USP42: variants seen among roughly 807,000 people sequenced by gnomAD.
USP42 encodes the protein ubiquitin carboxyl-terminal hydrolase 42.
In USP42, 23 loss-of-function variants were observed where a neutral mutation model predicts 113.0. The ratio of observed to expected loss-of-function variants is 0.20; its 90% confidence interval spans 0.15 to 0.29. USP42 has a LOEUF of 0.29. Among genes scored for constraint, USP42 ranks in the 10% least tolerant of loss-of-function variants. USP42 has a pLI of 1.00. For missense variants in USP42, 2,174 were observed against 1,779.8 expected, an observed-to-expected ratio of 1.22 and a Z score of -3.99; for synonymous variants, 933 against 699.0, an observed-to-expected ratio of 1.33 and a Z score of -5.28.
Position 6,154,300 on chromosome 7 carries a change from G to A in USP42, c.2746G>A (p.Ala916Thr), listed in dbSNP as rs758926957. Residue 916 changes from alanine to threonine, a missense_variant, in exon 15 of 18, where the codon GCT (alanine) becomes ACT (threonine). Coordinates refer to ENST00000306177, the MANE Select transcript of USP42 (RefSeq NM_032172.3). ...CCCGGCCGGTCACCCGGAAGGGGAC[G>A]CTGAGCCTAGCCCCGGCGAGAGGGT... ...MAPAGHPEGD[A>T]EPSPGERVED... The A allele has an allele frequency of 5.0e-6, 8 of 1,584,926 alleles. No homozygotes were observed. Among genetic ancestry groups the A allele is most frequent in the Admixed American group, 1.8e-5 (1 of 55,598 alleles).
intron 2 of USP42, among the ~76,000 whole-genome samples, chr7:6,114,324 T>A (rs1335359624): frequency 1.3e-5 from 2 of 152,088 alleles, no homozygotes; most frequent in Non-Finnish European, 1.5e-5. Flanking sequence ...TTTTTTCTAT[T>A]GATTGTATTA....
intron 12 of USP42, among the ~76,000 whole-genome samples, chr7:6,148,242 C>G (rs560578067): frequency 4.4e-4 from 67 of 152,216 alleles, no homozygotes; most frequent in African/African-American, 1.6e-3. Context: ...GAGGCTGAGG[C>G]AGGAGGATCA....
At chr7:6,081,492 C>T in the USP42 span, among the ~76,000 whole-genome samples, 2 of 152,194 alleles carry the variant, frequency 1.3e-5, no homozygotes, top group Admixed American at 6.5e-5. Context: ...CAGCCATTGC[C>T]GTCCACCCCG....
rs754656813 is a variant in USP42 at position 6,150,531 on chromosome 7, A to AC, written c.2201+26dup. On this transcript the variant is annotated intron_variant, in intron 14 of 17. Coordinates refer to ENST00000306177, the MANE Select transcript of USP42 (RefSeq NM_032172.3). ...GGTAACGTAAGAGTACATCTGAGGC[A>AC]CGTGTGGCAGCATAGTAGGAAATCC... 1.7e-5 allele frequency: 27 copies of AC among 1,602,834 alleles called. No homozygotes were observed. The East Asian group carries it at 6.0e-4, about 36-fold the overall frequency.
intron 2 of USP42, among the ~76,000 whole-genome samples, chr7:6,112,304 C>A (rs994056402): frequency 6.6e-6 from 1 of 152,014 alleles, no homozygotes; most frequent in African/African-American, 2.4e-5. Context: ...CAAAAATTAG[C>A]TGGGCATGGT....
At chr7:6,082,601 C>CTTTTTT in the USP42 span, among the ~76,000 whole-genome samples, 1 of 96,996 alleles carries the variant, frequency 1.0e-5, no homozygotes, top group African/African-American at 3.7e-5. Flanking sequence ...TTCTTTCTTT[C>CTTTTTT]TGTTTTTTTT....
intron 3 of USP42, among the ~76,000 whole-genome samples, chr7:6,121,257 A>G (rs1020940581): frequency 6.6e-6 from 1 of 152,156 alleles, no homozygotes; most frequent in South Asian, 2.1e-4. Context: ...GTCTTTTACC[A>G]TTAAGTATGG....
rs377512021 is a variant in USP42, at chr7:6,145,569, C to T, written c.1044C>T (p.Asn348=). The T allele has an allele frequency of 3.6e-4, 586 of 1,613,996 alleles. 1 individual carries two copies. Among genetic ancestry groups the T allele is most frequent in the South Asian group, 3.3e-3 (301 of 91,084 alleles). ...LDIRPYMSQP[N]GEPIVYVLYA... ...TTCGGCCATATATGTCTCAACCCAA[C>T]GGAGAGCCAATTGTCTACGTCTTGT... is the stretch of plus-strand genomic sequence containing the variant. The change falls in exon 10 of 18, where the codon AAC becomes AAT. Residue 348 remains asparagine (N), a synonymous_variant. Coordinates refer to ENST00000306177, the MANE Select transcript of USP42 (RefSeq NM_032172.3).
At chr7:6,118,096 G>A (rs1423206903) in intron 3 of USP42, among the ~76,000 whole-genome samples, 1 of 151,870 alleles carries the variant, frequency 6.6e-6, no homozygotes, top group African/African-American at 2.4e-5. Flanking sequence ...TGTGCTGTAG[G>A]TGTTTTAAGA....
At chr7:6,091,993 CT>C in the USP42 span, among the ~76,000 whole-genome samples, 20 of 65,322 alleles carry the variant, frequency 3.1e-4, 1 homozygote, top group African/African-American at 1.0e-3. Flanking sequence ...TCTTCTTCTT[CT>C]TCTTCTTCTT....
intron 3 of USP42, among the ~76,000 whole-genome samples, chr7:6,120,782 C>A (rs201634514): frequency 1.3e-5 from 2 of 152,020 alleles, no homozygotes; most frequent in African/African-American, 2.4e-5. Context: ...TGGGGTTTCA[C>A]CCTGTTGGCC....
chr7:6,105,178 A>C (rs1779193927), intron 1 of USP42, 146 bp downstream of exon 1: 1 of 142,674 alleles, frequency 7.0e-6, no homozygotes, highest in East Asian at 2.1e-4. Flanking sequence ...GCCTCCCCCT[A>C]CACAGCCGCG....
the USP42 span, among the ~76,000 whole-genome samples, chr7:6,098,241 A>G: frequency 6.7e-6 from 1 of 150,262 alleles, no homozygotes; most frequent in African/African-American, 2.5e-5. Flanking sequence ...CAGTCCCATG[A>G]TGTATCAGAA....
At chr7:6,152,888 G>A (rs1782155175) in intron 14 of USP42, 1 of 982,876 alleles carries the variant, frequency 1.0e-6, no homozygotes, top group South Asian at 4.7e-5. Flanking sequence ...GAGGGTCCAA[G>A]AGAAATCAGA....
intron 12 of USP42, among the ~76,000 whole-genome samples, chr7:6,149,208 G>A (rs1583669597): frequency 6.6e-6 from 1 of 152,132 alleles, no homozygotes; most frequent in African/African-American, 2.4e-5. Context: ...CCGAGGCGAG[G>A]GTGATTCCTC....
chr7:6,145,498 G>A lies in USP42; in HGVS notation c.991-18G>A, dbSNP rs1562841297. 3.7e-6 allele frequency: 6 copies of A among 1,613,794 alleles called. No homozygotes were observed. The highest frequency in any genetic ancestry group is 1.1e-5 in the South Asian group (1 of 91,080). On this transcript the variant is annotated intron_variant, in intron 9 of 17. Transcript: ENST00000306177. ...CTGTGCCCTCGGAAATGTTTCTCCT[G>A]TTTCCATTTCCTTCTAGGATGTGAA...
chr7:6,118,407 A>G (rs1003241275), intron 3 of USP42, among the ~76,000 whole-genome samples: 12 of 152,134 alleles, frequency 7.9e-5, no homozygotes, highest in Non-Finnish European at 7.3e-5. Context: ...CTATAGTCCC[A>G]GCTACTTGGG....
At chr7:6,150,339 C>T (rs766773773) in intron 13 of USP42, 37 bp downstream of exon 13, 61 of 1,605,536 alleles carry the variant, frequency 3.8e-5, no homozygotes, top group Non-Finnish European at 4.2e-5. Context: ...TCGTTTGTGG[C>T]GGTTCCCTTG....
intron 3 of USP42, among the ~76,000 whole-genome samples, chr7:6,120,208 C>T (rs1562812033): frequency 6.6e-6 from 1 of 152,048 alleles, no homozygotes. Flanking sequence ...TCATGATCTG[C>T]CTGCCTCGGC....
Sources: gnomAD v4.1 joint callset for allele counts (sites outside exome capture counted in the v4.1 genomes callset) on GRCh38, gnomAD v4.1.1 for gene constraint, MANE v1.5 for transcripts, NCBI Gene and HGNC (gene_info 2026-07-23, HGNC 2026-07-21) for gene names.